The following IMPDH1 variants were observed in gnomAD, a reference collection of about 807,000 sequenced individuals.
IMPDH1 encodes the protein inosine-5'-monophosphate dehydrogenase 1.
In IMPDH1, 41 loss-of-function variants were observed where a neutral mutation model predicts 73.5. That is an observed-to-expected ratio of 0.56 (90% CI 0.43 to 0.72). The LOEUF (loss-of-function observed/expected upper bound fraction) is 0.72. Among genes scored for constraint, IMPDH1 ranks in the 30% least tolerant of loss-of-function variants. The pLI is 0.00. For missense variants in IMPDH1, 645 were observed against 824.8 expected, an observed-to-expected ratio of 0.78 and a Z score of 2.67; for synonymous variants, 318 against 334.3, an observed-to-expected ratio of 0.95 and a Z score of 0.53.
Position 128,408,647 on chromosome 7 carries a change from G to A in IMPDH1, c.254+642C>T, listed in dbSNP as rs181245131. Among the ~76,000 whole-genome samples, 15 of 152,300 alleles carry A rather than the reference G, an allele frequency of 9.8e-5. No individual in the cohort carries two copies. The East Asian group carries it at 2.5e-3, about 25-fold the overall frequency. ...TCTGGAGAAAGGATGCACTCACATG[G>A]CTCCGGCCTGAGCTCTGAAACATTA... On this transcript the variant is annotated intron_variant, in intron 3 of 16. Transcript: ENST00000338791.
At chr7:128,395,336 G>C in intron 12 of IMPDH1, 62 bp from the exon 13 acceptor site, 3 of 1,588,678 alleles carry the variant, frequency 1.9e-6, no homozygotes, top group Non-Finnish European at 2.6e-6. Flanking sequence ...GGCCTGGAGC[G>C]GGGCCAGCCC....
Position 128,392,950 on chromosome 7 carries a change from C to A in IMPDH1, c.*57G>T. 6.3e-7 allele frequency: 1 copy of A among 1,581,036 alleles called. No homozygotes were observed. The highest frequency in any genetic ancestry group is 8.7e-7 in the Non-Finnish European group (1 of 1,150,098). On this transcript the variant is annotated 3_prime_UTR_variant, in exon 17 of 17. Transcript: ENST00000338791. ...CACTCAGTTATGGAGGGAGGCTGTG[C>A]CCAAAAGTGGACACTGGGGTGCATC...
Position 128,400,118 on chromosome 7 carries a change from T to A in IMPDH1, c.851A>T (p.Glu284Val), listed in dbSNP as rs1798212166. 1.9e-6 allele frequency: 3 copies of A among 1,613,584 alleles called. No individual in the cohort carries two copies. Among genetic ancestry groups the A allele is most frequent in the Non-Finnish European group, 2.5e-6 (3 of 1,179,884 alleles). Residue 284 changes from glutamate to valine, a missense_variant, in exon 9 of 17, where the codon GAG becomes GTG. Glu to Val is a moderately radical substitution (Grantham distance 121). Around this residue, in one of 2 missense-constraint regions of IMPDH1, gnomAD observed 459 missense variants for 638.2 expected, o/e 0.72. Coordinates refer to ENST00000338791, the MANE Select transcript of IMPDH1 (RefSeq NM_000883.4). ...PAGVTLKEAN[E>V]ILQRSKKGKL... ...ACCTTTCTTGCTACGCTGCAGGATCTCATTTGCCTCTTTCAACGTCACACC... is the reference window on the plus strand; with the variant it reads ...ACCTTTCTTGCTACGCTGCAGGATCACATTTGCCTCTTTCAACGTCACACC...
intron 2 of IMPDH1, 31 bp from the exon 3 acceptor site, chr7:128,409,383 C>G (rs1415791583): frequency 2.5e-6 from 4 of 1,614,200 alleles, no homozygotes; most frequent in Non-Finnish European, 3.4e-6. Flanking sequence ...AGGGGTAAGC[C>G]AAGTCAGTCG....
In IMPDH1 at chr7:128,392,702, G is replaced by T. The variant is rs998807664; in HGVS notation, c.*305C>A. 2.4e-6 allele frequency: 1 copy of T among 415,630 alleles called. No homozygotes were observed. Among genetic ancestry groups the T allele is most frequent in the Admixed American group, 3.8e-5 (1 of 26,500 alleles). 25.7% of individuals were successfully genotyped at this position (415,630 alleles called of 1,614,324 possible). A position where few individuals can be genotyped will look rare whatever the true frequency, so the allele number is the denominator to read the frequency against. ...AGGAGGGGCCGCCTGCCCCTGGGGTGGGGGCCAGGCTGGAGCAGGCTGCAG... is the reference window on the plus strand; with the variant it reads ...AGGAGGGGCCGCCTGCCCCTGGGGTTGGGGCCAGGCTGGAGCAGGCTGCAG... On this transcript the variant is annotated 3_prime_UTR_variant, in exon 17 of 17. Transcript: ENST00000338791.
At chr7:128,397,480 G>A (rs1198642066) in intron 10 of IMPDH1, among the ~76,000 whole-genome samples, 1 of 152,174 alleles carries the variant, frequency 6.6e-6, no homozygotes, top group East Asian at 1.9e-4. Context: ...CAGTAAACGT[G>A]AGCTAAATTA....
At chr7:128,402,654 C>A (rs1225209711) in intron 5 of IMPDH1, among the ~76,000 whole-genome samples, 1 of 152,182 alleles carries the variant, frequency 6.6e-6, no homozygotes, top group Non-Finnish European at 1.5e-5. Context: ...GGCCCTCTGG[C>A]CTTTCATGAG....
Position 128,398,383 on chromosome 7 carries a change from A to C in IMPDH1, c.1074+31T>G, listed in dbSNP as rs1462719889. 2 of 1,593,960 alleles carry C rather than the reference A, an allele frequency of 1.3e-6. No homozygotes were observed. Among genetic ancestry groups the C allele is most frequent in the East Asian group, 4.5e-5 (2 of 44,766 alleles). The stretch of plus-strand genomic sequence containing the variant: ...CTCCACTCTGCTGAACCACTCATCC[A>C]TCTCCCCCACCACTCAGGCGGGGGC... On this transcript the variant is annotated intron_variant, in intron 10 of 16. Transcript: ENST00000338791. The surrounding 1 kb of genome is among the most constrained non-coding windows in gnomAD (Gnocchi z 4.3).
At position 128,395,028 on chromosome 7, in the gene IMPDH1, T is replaced by A; in HGVS notation, c.1411A>T (p.Met471Leu). 6.2e-7 allele frequency: 1 copy of A among 1,613,958 alleles called. No individual in the cohort carries two copies. Among genetic ancestry groups the A allele is most frequent in the Non-Finnish European group, 8.5e-7 (1 of 1,180,026 alleles). ...GTAGTGGCGGCCAGCAGGGAGCCCA[T>A]CATCACTACAGTGGGCAAGGGATTA... The part of the protein sequence containing the change: ...ALALGASTVM[M>L]GSLLAATTEA... Residue 471 changes from methionine to leucine, a missense_variant, in exon 14 of 17, where the codon ATG (methionine) becomes TTG (leucine). Met to Leu is a conservative substitution (Grantham distance 15). Transcript: ENST00000338791.
rs1403211839 is a variant in IMPDH1, at chr7:128,394,563, C to T, written c.1587G>A (p.Ser529=). Residue 529 remains serine (S), a synonymous_variant, in exon 15 of 17, where the codon TCG becomes TCA. Transcript: ENST00000338791. This position sits in a 1 kb window ranked among gnomAD's most constrained non-coding sequence, Gnocchi z 5.5. ...TGGATCCTTTGTCCTGGATGGAGCCCGAGACACCCTGCGCGATCTTCACTT... is the reference window on the plus strand; with the variant it reads ...TGGATCCTTTGTCCTGGATGGAGCCTGAGACACCCTGCGCGATCTTCACTT... ...GDKVKIAQGV[S]GSIQDKGSIQ... is the part of the protein sequence containing the mutation. 5.0e-6 allele frequency: 8 copies of T among 1,613,690 alleles called. No individual in the cohort carries two copies. In the Admixed American group the frequency reaches 5.0e-5, roughly 10 times the overall value.
intron 4 of IMPDH1, among the ~76,000 whole-genome samples, 176 bp from the exon 5 acceptor site, chr7:128,403,930 G>T (rs1451298697): frequency 1.3e-5 from 2 of 152,224 alleles, no homozygotes; most frequent in African/African-American, 4.8e-5. Flanking sequence ...CCTCACTAGA[G>T]TCTGGCAAAC....
intron 13 of IMPDH1, 44 bp from the exon 14 acceptor site, chr7:128,395,077 C>T: frequency 6.7e-7 from 1 of 1,499,218 alleles, no homozygotes; most frequent in Non-Finnish European, 8.9e-7. Flanking sequence ...ACTAGTGCCA[C>T]CCCCCCAGCT....
Position 128,398,724 on chromosome 7 carries a change from C to G in IMPDH1, c.875-111G>C. Reference sequence around the variant, plus strand: ...CCACTCCAGAGATTCCACTGAAGTACCCCAGTCAGCCACTAGGTGACAGCA... The same window carrying G: ...CCACTCCAGAGATTCCACTGAAGTAGCCCAGTCAGCCACTAGGTGACAGCA... On this transcript the variant is annotated intron_variant, in intron 9 of 16. Coordinates refer to ENST00000338791, the MANE Select transcript of IMPDH1 (RefSeq NM_000883.4). This position sits in a 1 kb window ranked among gnomAD's most constrained non-coding sequence, Gnocchi z 4.3. The G allele has an allele frequency of 2.4e-6, 2 of 836,260 alleles. No individual in the cohort carries two copies. 51.8% of individuals were successfully genotyped at this position (836,260 alleles called of 1,614,324 possible).
intron 8 of IMPDH1, 51 bp from the exon 9 acceptor site, chr7:128,400,233 G>T: frequency 6.2e-7 from 1 of 1,607,228 alleles, no homozygotes; most frequent in Non-Finnish European, 8.5e-7. Context: ...GAGAGAAGGA[G>T]CCAGGCCTCC....
Position 128,394,416 on chromosome 7 carries a change from G to A in IMPDH1, c.1694+40C>T. 1 of 1,613,950 alleles carries A rather than the reference G, an allele frequency of 6.2e-7. No homozygotes were observed. Among genetic ancestry groups the A allele is most frequent in the South Asian group, 1.1e-5 (1 of 91,072 alleles). Reference sequence around the variant, plus strand: ...GGCCACCAAGGGTGGAGAAGAGCGAGAGAAAGGAAGCAGGAGCCACCCCCA... The same window carrying A: ...GGCCACCAAGGGTGGAGAAGAGCGAAAGAAAGGAAGCAGGAGCCACCCCCA... On this transcript the variant is annotated intron_variant, in intron 15 of 16. Coordinates refer to ENST00000338791, the MANE Select transcript of IMPDH1 (RefSeq NM_000883.4). The surrounding 1 kb of genome is among the most constrained non-coding windows in gnomAD (Gnocchi z 5.5).
chr7:128,402,189 G>A (rs1283883294), intron 5 of IMPDH1, among the ~76,000 whole-genome samples: 2 of 151,338 alleles, frequency 1.3e-5, no homozygotes, highest in Non-Finnish European at 2.9e-5. Flanking sequence ...TGCAACCTCC[G>A]CCTCCCAGAT....
rs543042380 is a variant in IMPDH1 at position 128,392,784 on chromosome 7, G to A, written c.*223C>T. The stretch of plus-strand genomic sequence containing the variant: ...AGAGCCTGGCTGGCTGGGCTCGGAG[G>A]GGGGCTCCCAGGGCAGCCTGGCCCC... On this transcript the variant is annotated 3_prime_UTR_variant, in exon 17 of 17. Coordinates refer to ENST00000338791, the MANE Select transcript of IMPDH1 (RefSeq NM_000883.4). 1.1e-4 allele frequency: 59 copies of A among 561,468 alleles called. No individual in the cohort carries two copies. The South Asian group carries it at 1.1e-3, about 10-fold the overall frequency. 34.8% of individuals were successfully genotyped at this position (561,468 alleles called of 1,614,324 possible). A position where few individuals can be genotyped will look rare whatever the true frequency, so the allele number is the denominator to read the frequency against.
chr7:128,409,845 C>A lies in IMPDH1; in HGVS notation c.57G>T (p.Pro19=). 1 of 1,492,518 alleles carries A rather than the reference C, an allele frequency of 6.7e-7. No homozygotes were observed. The highest frequency in any genetic ancestry group is 8.9e-7 in the Non-Finnish European group (1 of 1,128,060). 92.5% of individuals were successfully genotyped at this position (1,492,518 alleles called of 1,614,324 possible). ...CCGGGTGTTGCCGGGCTCCGGGCTC[C>A]GGAACAGCGGCGGCTCCGCCTCCCT... ...PLQGGGAAAV[P]EPGARQHPGH... Residue 19 remains proline, a synonymous_variant, in exon 1 of 17, where the codon CCG becomes CCT. Transcript: ENST00000338791.
intron 4 of IMPDH1, among the ~76,000 whole-genome samples, chr7:128,404,890 G>C (rs1445930768): frequency 2.6e-5 from 4 of 152,142 alleles, no homozygotes; most frequent in Non-Finnish European, 4.4e-5. Flanking sequence ...CGTCGCCTAC[G>C]GGCAGGCAGG....
Sources: gnomAD v4.1 joint callset for allele counts (sites outside exome capture counted in the v4.1 genomes callset) on GRCh38, gnomAD v4.1.1 for gene constraint, gnomAD v4.1.1 regional missense constraint, Gnocchi (gnomAD v3.1) non-coding constraint, MANE v1.5 for transcripts, NCBI Gene and HGNC (gene_info 2026-07-23, HGNC 2026-07-21) for gene names.